Variants in PTPRN2 observed in about 807,000 individuals in gnomAD.
PTPRN2 encodes the protein protein tyrosine phosphatase receptor type N2.
Under a neutral mutation model 118.8 loss-of-function variants are expected in PTPRN2, and 74 were observed. The ratio of observed to expected loss-of-function variants is 0.62; its 90% confidence interval spans 0.52 to 0.76. The LOEUF (loss-of-function observed/expected upper bound fraction) is 0.76. Ranked by LOEUF, PTPRN2 falls within the 30% of genes least tolerant of loss-of-function variation. PTPRN2 has a pLI of 0.00. For missense variants in PTPRN2, 1,481 were observed against 1,394.4 expected (o/e 1.06, Z -0.99); for synonymous variants, 641 against 608.0 (o/e 1.05, Z -0.80).
At chr7:158,518,159 G>A (rs1823704991) in intron 1 of PTPRN2, among the ~76,000 whole-genome samples, 1 of 152,162 alleles carries the variant, frequency 6.6e-6, no homozygotes, top group African/African-American at 2.4e-5. Flanking sequence ...AATAGTTAGA[G>A]CCCAATAGTT....
At chr7:158,055,409 A>G (rs1423774540) in intron 11 of PTPRN2, among the ~76,000 whole-genome samples, 2 of 152,168 alleles carry the variant, frequency 1.3e-5, no homozygotes, top group Non-Finnish European at 2.9e-5. Context: ...TTAGCAGACC[A>G]GGAAAGGGAG....
chr7:157,922,742 C>A (rs4716809), intron 11 of PTPRN2, among the ~76,000 whole-genome samples: 1 of 152,042 alleles, frequency 6.6e-6, no homozygotes, highest in East Asian at 1.9e-4. Context: ...CTCGATGTCA[C>A]GGCACGCTGC....
At chr7:158,136,427 A>G (rs981411449) in intron 8 of PTPRN2, among the ~76,000 whole-genome samples, 1 of 152,196 alleles carries the variant, frequency 6.6e-6, no homozygotes, top group African/African-American at 2.4e-5. Flanking sequence ...TCATATTTCT[A>G]CCATGGATAA....
At chr7:158,034,501 G>A (rs1377728494) in intron 11 of PTPRN2, among the ~76,000 whole-genome samples, 3 of 152,172 alleles carry the variant, frequency 2.0e-5, no homozygotes, top group South Asian at 2.1e-4. Context: ...TTTGCCTGCT[G>A]CCATCCATGT....
chr7:157,743,741 C>T (rs537111537), intron 12 of PTPRN2, among the ~76,000 whole-genome samples: 2 of 151,138 alleles, frequency 1.3e-5, no homozygotes, highest in Non-Finnish European at 1.5e-5. Context: ...GGATAGCTAT[C>T]TCTGGGTTGG....
chr7:157,668,302 G>C (rs558131736), intron 13 of PTPRN2, among the ~76,000 whole-genome samples: 1 of 152,194 alleles, frequency 6.6e-6, no homozygotes, highest in Non-Finnish European at 1.5e-5. Flanking sequence ...TTACAGAGTG[G>C]AAATCACTCA....
At chr7:158,512,470 T>C (rs1823247506) in intron 1 of PTPRN2, among the ~76,000 whole-genome samples, 1 of 152,122 alleles carries the variant, frequency 6.6e-6, no homozygotes, top group Admixed American at 6.6e-5. Flanking sequence ...TTGGTATAGA[T>C]ACAGATGGTA....
At chr7:157,555,887 C>T (rs1184365869) in intron 21 of PTPRN2, among the ~76,000 whole-genome samples, 1 of 152,190 alleles carries the variant, frequency 6.6e-6, no homozygotes, top group African/African-American at 2.4e-5. Flanking sequence ...GAACAGTTCC[C>T]GTGCCCCAGG....
At chr7:158,229,674 T>G (rs1020478904) in intron 3 of PTPRN2, among the ~76,000 whole-genome samples, 1 of 151,464 alleles carries the variant, frequency 6.6e-6, no homozygotes, top group Non-Finnish European at 1.5e-5. Flanking sequence ...GACAGGCTAT[T>G]TGAAAATACA....
chr7:157,622,377 C>T lies in PTPRN2; in HGVS notation c.2197-868G>A, dbSNP rs538814553. Among the ~76,000 whole-genome samples the T allele has an allele frequency of 2.0e-4, 31 of 152,126 alleles. No individual in the cohort carries two copies. The highest frequency in any genetic ancestry group is 1.6e-3 in the Admixed American group (24 of 15,288). On this transcript the variant is annotated intron_variant, in intron 14 of 22. Transcript: ENST00000389418. This position sits in a 1 kb window ranked among gnomAD's most constrained non-coding sequence, Gnocchi z 5.3. Reference sequence around the variant, plus strand: ...ATGGTCCTTTGCTGCAAAGCGGCCACGCATTCCAATGTCAGGCCCGGGGTC... The same window carrying T: ...ATGGTCCTTTGCTGCAAAGCGGCCATGCATTCCAATGTCAGGCCCGGGGTC...
At position 158,238,310 on chromosome 7, in the gene PTPRN2, C is replaced by T. The variant is rs1384213935; in HGVS notation, c.278-33037G>A. Among the ~76,000 whole-genome samples, 7 of 152,084 alleles carry T rather than the reference C, an allele frequency of 4.6e-5. No individual in the cohort carries two copies. In the East Asian group the frequency reaches 1.4e-3, roughly 30 times the overall value. On this transcript the variant is annotated intron_variant, in intron 3 of 22. Coordinates refer to ENST00000389418, the MANE Select transcript of PTPRN2 (RefSeq NM_002847.5). Reference sequence around the variant, plus strand: ...TCGCAGATCAGGAAACCGTCCTCCCCTCCCTCCTGCCCTGGGCCAAGCAGG... The same window carrying T: ...TCGCAGATCAGGAAACCGTCCTCCCTTCCCTCCTGCCCTGGGCCAAGCAGG...
At position 158,313,878 on chromosome 7, in the gene PTPRN2, G is replaced by A. The variant is rs921611; in HGVS notation, c.277+2941C>T. On this transcript the variant is annotated intron_variant, in intron 3 of 22. Transcript: ENST00000389418. ...AAAACTCATCTCTGTTGGGGAATTC[G>A]GGGCCACTAGATATTTTTCTATCCC... Among the ~76,000 whole-genome samples the A allele has an allele frequency of 8.6e-3, 1,315 of 152,154 alleles. 18 individuals are homozygous for A. Among genetic ancestry groups the A allele is most frequent in the African/African-American group, 0.03 (1,236 of 41,492 alleles).
At chr7:158,075,755 G>C (rs922463377) in intron 11 of PTPRN2, among the ~76,000 whole-genome samples, 9 of 152,236 alleles carry the variant, frequency 5.9e-5, no homozygotes, top group African/African-American at 2.2e-4. Flanking sequence ...TGACACCTCA[G>C]CCAGGCGAGC....
intron 14 of PTPRN2, among the ~76,000 whole-genome samples, chr7:157,636,712 A>G (rs1804341171): frequency 6.6e-6 from 1 of 152,248 alleles, no homozygotes; most frequent in African/African-American, 2.4e-5. Context: ...AGATGAATGG[A>G]AAACACTGGA....
At chr7:157,578,835 T>C (rs550001414) in intron 17 of PTPRN2, among the ~76,000 whole-genome samples, 1 of 152,378 alleles carries the variant, frequency 6.6e-6, no homozygotes, top group East Asian at 1.9e-4. Flanking sequence ...TCTTAACATT[T>C]ACAGCCTAAC....
intron 2 of PTPRN2, among the ~76,000 whole-genome samples, chr7:158,404,447 C>T (rs898052448): frequency 1.3e-5 from 2 of 152,172 alleles, no homozygotes; most frequent in Admixed American, 6.5e-5. Flanking sequence ...CCGGGGCAGG[C>T]GCTGAGGCCA....
rs140751500 is a variant in PTPRN2 at position 157,790,021 on chromosome 7, T to TGTGTGTG, written c.1789-107091_1789-107085dup. On this transcript the variant is annotated intron_variant, in intron 12 of 22. Coordinates refer to ENST00000389418, the MANE Select transcript of PTPRN2 (RefSeq NM_002847.5). ...GTGTGTGGTGTTTGTGTGGTGTGAA[T>TGTGTGTG]GTGTGTGTGGTGGGGGTGTGTGTGG... is the stretch of plus-strand genomic sequence containing the variant. 4.9e-4 allele frequency among the ~76,000 whole-genome samples: 2 copies of TGTGTGTG among 4,054 alleles called. 1 individual carries two copies. The highest frequency in any genetic ancestry group is 2.6e-3 in the African/African-American group (2 of 762). The allele number at this position is 4,054 out of a possible 152,430, so 2.7% of individuals were successfully genotyped here.
At chr7:158,485,410 C>T (rs1157711109) in intron 2 of PTPRN2, among the ~76,000 whole-genome samples, 2 of 115,776 alleles carry the variant, frequency 1.7e-5, no homozygotes, top group Non-Finnish European at 3.6e-5. Context: ...TCTCTGCGCC[C>T]CTCCTGCTCG....
At chr7:157,686,737 A>G (rs1311956068) in intron 12 of PTPRN2, among the ~76,000 whole-genome samples, 3 of 152,186 alleles carry the variant, frequency 2.0e-5, no homozygotes, top group Admixed American at 6.5e-5. Context: ...CGGCAGCTCA[A>G]TGACTGAAAG....
Sources: gnomAD v4.1 joint callset for allele counts (sites outside exome capture counted in the v4.1 genomes callset) on GRCh38, gnomAD v4.1.1 for gene constraint, Gnocchi (gnomAD v3.1) non-coding constraint, MANE v1.5 for transcripts, NCBI Gene and HGNC (gene_info 2026-07-23, HGNC 2026-07-21) for gene names.